Variants in CTNNA2 observed in about 807,000 individuals in gnomAD.
CTNNA2 encodes catenin alpha 2, also known as catenin alpha-2.
A neutral mutation model predicts 101.0 loss-of-function variants in CTNNA2; 42 were observed. The observed-to-expected ratio is 0.42, with a 90% CI of 0.32 to 0.54. CTNNA2 has a LOEUF of 0.54. CTNNA2 is among the 20% of genes least tolerant of loss of function. CTNNA2 has a pLI of 0.14. For missense variants in CTNNA2, 871 were observed against 1,223.1 expected (o/e 0.71, Z 4.29); for synonymous variants, 450 against 456.4 (o/e 0.99, Z 0.18).
At chr2:79,728,168 G>C (rs558766749) in intron 2 of CTNNA2, among the ~76,000 whole-genome samples, 9 of 152,108 alleles carry the variant, frequency 5.9e-5, no homozygotes, top group Admixed American at 5.2e-4. Context: ...CTTCCACAAT[G>C]GTTGAACTAG....
At chr2:79,328,619 A>C (rs554918095) in intron 3 of CTNNA2, among the ~76,000 whole-genome samples, 11 of 152,270 alleles carry the variant, frequency 7.2e-5, no homozygotes, top group Middle Eastern at 6.8e-3. Context: ...ATAACGAAAA[A>C]CACTATTCAA....
At chr2:80,558,350 T>G (rs1693228931) in intron 12 of CTNNA2, among the ~76,000 whole-genome samples, 1 of 152,114 alleles carries the variant, frequency 6.6e-6, no homozygotes, top group Admixed American at 6.6e-5. Context: ...CTAATGAGAA[T>G]TGCTGGGGAA....
chr2:79,752,536 T>C (rs1414507267), intron 3 of CTNNA2, among the ~76,000 whole-genome samples: 1 of 152,196 alleles, frequency 6.6e-6, no homozygotes, highest in Non-Finnish European at 1.5e-5. Flanking sequence ...GTTGAAATAA[T>C]TGATGTAGGT....
At chr2:79,199,738 C>T (rs541148052) in intron 2 of CTNNA2, among the ~76,000 whole-genome samples, 87 of 152,202 alleles carry the variant, frequency 5.7e-4, no homozygotes, top group African/African-American at 2.0e-3. Context: ...AACAAGGTGC[C>T]AGCTGATTCA....
chr2:79,530,877 A>G (rs1027462000), intron 1 of CTNNA2, among the ~76,000 whole-genome samples: 1 of 152,076 alleles, frequency 6.6e-6, no homozygotes, highest in Non-Finnish European at 1.5e-5. Flanking sequence ...CAGAACACTC[A>G]GGATAGTGAG....
chr2:79,534,342 T>G (rs577972665), intron 1 of CTNNA2, among the ~76,000 whole-genome samples: 1 of 152,254 alleles, frequency 6.6e-6, no homozygotes, highest in African/African-American at 2.4e-5. Flanking sequence ...AAAACTGAGC[T>G]TAAGGATCCT....
At chr2:80,515,449 A>G (rs1000442874) in intron 9 of CTNNA2, among the ~76,000 whole-genome samples, 3 of 152,244 alleles carry the variant, frequency 2.0e-5, no homozygotes, top group Non-Finnish European at 2.9e-5. Context: ...TTTCTGACTC[A>G]GAAGCTAAAG....
chr2:80,073,979 G>A (rs982315864), intron 7 of CTNNA2, among the ~76,000 whole-genome samples: 1 of 151,912 alleles, frequency 6.6e-6, no homozygotes, highest in African/African-American at 2.4e-5. Flanking sequence ...ATTGACCTAC[G>A]GGTATGTAGT....
intron 9 of CTNNA2, among the ~76,000 whole-genome samples, chr2:80,510,630 C>G (rs1036517419): frequency 6.6e-6 from 1 of 152,148 alleles, no homozygotes; most frequent in Non-Finnish European, 1.5e-5. Flanking sequence ...AAAAATTGGT[C>G]ATATTCTCTG....
intron 7 of CTNNA2, among the ~76,000 whole-genome samples, chr2:80,165,939 G>T (rs960469975): frequency 6.6e-6 from 1 of 152,136 alleles, no homozygotes; most frequent in Non-Finnish European, 1.5e-5. Context: ...GCCTACATGA[G>T]GTTGGAGGCA....
At chr2:80,290,051 T>C (rs574763505) in intron 7 of CTNNA2, among the ~76,000 whole-genome samples, 1 of 152,074 alleles carries the variant, frequency 6.6e-6, no homozygotes, top group African/African-American at 2.4e-5. Flanking sequence ...GACCTCACAG[T>C]TTTTGAAGTT....
At chr2:80,100,563 A>G (rs1254971632) in intron 7 of CTNNA2, among the ~76,000 whole-genome samples, 5 of 152,116 alleles carry the variant, frequency 3.3e-5, no homozygotes, top group East Asian at 1.9e-4. Context: ...CTCCTAGTCA[A>G]TGTCATGAGA....
At position 80,187,467 on chromosome 2, in the gene CTNNA2, C is replaced by T. The variant is rs139684294; in HGVS notation, c.1057-205744C>T. 1.3e-3 allele frequency among the ~76,000 whole-genome samples: 205 copies of T among 152,334 alleles called. 1 individual carries two copies. The highest frequency in any genetic ancestry group is 4.7e-3 in the African/African-American group (194 of 41,572). On this transcript the variant is annotated intron_variant, in intron 7 of 18. Transcript: ENST00000402739. ...TCTGGTTTGGTTTATAAATCAACTA[C>T]GTATGTTGCTCATCTATACTTCCCG... is the stretch of plus-strand genomic sequence containing the variant.
intron 7 of CTNNA2, among the ~76,000 whole-genome samples, chr2:79,952,889 CT>C (rs1205332643): frequency 6.6e-6 from 1 of 152,188 alleles, no homozygotes; most frequent in African/African-American, 2.4e-5. Flanking sequence ...CCTATCCCTA[CT>C]TTAGAATGTA....
intron 3 of CTNNA2, among the ~76,000 whole-genome samples, chr2:79,359,425 A>G (rs1231244394): frequency 1.3e-5 from 2 of 152,218 alleles, no homozygotes. Context: ...ACCCTATTTC[A>G]AAAATGGTGT....
intron 7 of CTNNA2, among the ~76,000 whole-genome samples, chr2:80,103,986 G>T (rs1700715134): frequency 6.6e-6 from 1 of 152,192 alleles, no homozygotes; most frequent in Non-Finnish European, 1.5e-5. Flanking sequence ...CACCCTCCTT[G>T]GCCTCCCAAA....
chr2:79,627,721 G>T (rs1485328933), intron 1 of CTNNA2, among the ~76,000 whole-genome samples: 1 of 152,042 alleles, frequency 6.6e-6, no homozygotes, highest in Non-Finnish European at 1.5e-5. Flanking sequence ...GAAATCTTTT[G>T]CATAAGTAAA....
chr2:79,315,864 A>G (rs2104404423), intron 3 of CTNNA2, among the ~76,000 whole-genome samples: 1 of 152,214 alleles, frequency 6.6e-6, no homozygotes, highest in East Asian at 1.9e-4. Flanking sequence ...ATCATTTTAA[A>G]TTCCCACCAG....
chr2:79,503,543 G>A (rs1050685350), intron 4 of CTNNA2, among the ~76,000 whole-genome samples: 3 of 152,114 alleles, frequency 2.0e-5, no homozygotes, highest in Non-Finnish European at 4.4e-5. Context: ...TGCCTTAACA[G>A]AAACATAAAA....
Sources: gnomAD v4.1 joint callset for allele counts (sites outside exome capture counted in the v4.1 genomes callset) on GRCh38, gnomAD v4.1.1 for gene constraint, MANE v1.5 for transcripts, NCBI Gene and HGNC (gene_info 2026-07-23, HGNC 2026-07-21) for gene names.